The following SAMD12 variants were observed in gnomAD, a reference collection of about 807,000 sequenced individuals.
SAMD12 encodes sterile alpha motif domain containing 12.
In SAMD12, 9 loss-of-function variants were observed where a neutral mutation model predicts 15.0. The ratio of observed to expected loss-of-function variants is 0.60; its 90% CI spans 0.36 to 1.05. SAMD12 has a LOEUF of 1.05. Ranked by LOEUF, SAMD12 falls within the 50% of genes least tolerant of loss-of-function variation. The pLI is 0.01. For missense variants in SAMD12, 230 were observed against 234.2 expected (o/e 0.98, Z 0.12); for synonymous variants, 86 against 90.1 (o/e 0.96, Z 0.25).
chr8:118,268,594 C>T (rs1005912378), intron 4 of SAMD12, among the ~76,000 whole-genome samples: 1 of 152,110 alleles, frequency 6.6e-6, no homozygotes, highest in African/African-American at 2.4e-5. Flanking sequence ...GCAGGCAGAA[C>T]ACCTGAGGTT....
chr8:118,182,466 C>T, the SAMD12 span, among the ~76,000 whole-genome samples: 1 of 152,116 alleles, frequency 6.6e-6, no homozygotes, highest in African/African-American at 2.4e-5. Flanking sequence ...AGTGTATAGG[C>T]TATGCCTACA....
intron 4 of SAMD12, among the ~76,000 whole-genome samples, chr8:118,318,134 A>G (rs35027398): frequency 0.49 from 73,882 of 151,194 alleles, 20,515 homozygotes; most frequent in African/African-American, 0.77. Context: ...CCGGAAAACA[A>G]TATGAAGATA....
downstream of SAMD12, among the ~76,000 whole-genome samples, chr8:118,188,850 C>T (rs148282175): frequency 1.2e-3 from 187 of 151,968 alleles, 1 homozygote; most frequent in East Asian, 0.03. Flanking sequence ...GGATGTTTGC[C>T]GCACTAGAGG....
At chr8:118,396,522 T>C (rs1004551498) in intron 3 of SAMD12, among the ~76,000 whole-genome samples, 1 of 152,186 alleles carries the variant, frequency 6.6e-6, no homozygotes, top group East Asian at 1.9e-4. Context: ...CACTCAGCAA[T>C]TGGTAGATAT....
At chr8:118,144,688 G>A in the SAMD12 span, among the ~76,000 whole-genome samples, 1 of 151,996 alleles carries the variant, frequency 6.6e-6, no homozygotes, top group South Asian at 2.1e-4. Flanking sequence ...TGGGAAAAGG[G>A]AGAGAGAGAG....
Position 118,560,290 on chromosome 8 carries a change from G to A in SAMD12, c.192+20425C>T, listed in dbSNP as rs1253377435. 2.0e-5 allele frequency among the ~76,000 whole-genome samples: 3 copies of A among 152,198 alleles called. No individual in the cohort carries two copies. In the East Asian group the frequency reaches 5.8e-4, roughly 29 times the overall value. ...GGGGACCCAGGTAAGGAGAAGTTGA[G>A]GTGGACTCACATTTAGTTTGAGTTT... On this transcript the variant is annotated intron_variant, in intron 2 of 3. Coordinates refer to ENST00000314727, the MANE Select transcript of SAMD12 (RefSeq NM_207506.3).
At chr8:118,443,191 C>T (rs1353635157) in intron 2 of SAMD12, among the ~76,000 whole-genome samples, 2 of 152,120 alleles carry the variant, frequency 1.3e-5, no homozygotes, top group East Asian at 1.9e-4. Flanking sequence ...AGGCTGGGCA[C>T]AGTAGCTCAT....
intron 4 of SAMD12, among the ~76,000 whole-genome samples, chr8:118,296,085 G>A (rs1221032410): frequency 2.0e-5 from 3 of 152,170 alleles, no homozygotes; most frequent in Non-Finnish European, 2.9e-5. Flanking sequence ...AGCATTTCCT[G>A]TGGATATGCA....
At chr8:118,559,267 G>A (rs1000726523) in intron 2 of SAMD12, among the ~76,000 whole-genome samples, 1 of 152,096 alleles carries the variant, frequency 6.6e-6, no homozygotes, top group Non-Finnish European at 1.5e-5. Context: ...TTGCTTTCCT[G>A]TACTCAAGGG....
chr8:118,496,277 A>C (rs923329009), intron 2 of SAMD12, among the ~76,000 whole-genome samples: 2 of 152,218 alleles, frequency 1.3e-5, no homozygotes, highest in Admixed American at 1.3e-4. Flanking sequence ...ATCCTGAGCA[A>C]AAAGAACAAA....
chr8:118,370,154 C>T (rs939626933), intron 4 of SAMD12, among the ~76,000 whole-genome samples: 1 of 152,028 alleles, frequency 6.6e-6, no homozygotes, highest in Non-Finnish European at 1.5e-5. Context: ...CAAAAGAAGA[C>T]ATTTATGTGG....
At position 118,379,372 on chromosome 8, in the gene SAMD12, T is replaced by C. The variant is rs760861591; in HGVS notation, c.*45A>G. ...TCATCCATTACTTATTTGTGCATCC[T>C]TCTCCCTAGTGAGCTATGAAAAAAG... On this transcript the variant is annotated 3_prime_UTR_variant, in exon 4 of 4. Coordinates refer to ENST00000314727, the MANE Select transcript of SAMD12 (RefSeq NM_207506.3). The C allele has an allele frequency of 2.5e-6, 4 of 1,589,282 alleles. No individual in the cohort carries two copies. In the South Asian group the frequency reaches 3.4e-5, roughly 14 times the overall value.
At chr8:118,292,197 A>C (rs114720518) in intron 4 of SAMD12, among the ~76,000 whole-genome samples, 1 of 151,300 alleles carries the variant, frequency 6.6e-6, no homozygotes, top group Non-Finnish European at 1.5e-5. Flanking sequence ...GTGCTGTGTA[A>C]ACTGCTTGGG....
intron 4 of SAMD12, among the ~76,000 whole-genome samples, chr8:118,366,807 T>G (rs1818791204): frequency 1.0e-5 from 1 of 98,560 alleles, no homozygotes; most frequent in South Asian, 4.1e-4. Context: ...AGTGAAACTC[T>G]GTCTCAAATA....
chr8:118,199,605 A>C (rs1429765240), intron 4 of SAMD12, among the ~76,000 whole-genome samples: 1 of 152,232 alleles, frequency 6.6e-6, no homozygotes, highest in Non-Finnish European at 1.5e-5. Flanking sequence ...TGAGTTGATA[A>C]CTAGGTTTAT....
intron 3 of SAMD12, among the ~76,000 whole-genome samples, chr8:118,386,125 T>C (rs966739085): frequency 1.3e-5 from 2 of 152,184 alleles, no homozygotes; most frequent in African/African-American, 4.8e-5. Flanking sequence ...CATAACAAAC[T>C]ATCACAAACA....
the SAMD12 span, among the ~76,000 whole-genome samples, chr8:118,176,299 TAAAAAAAG>T: frequency 6.6e-6 from 1 of 151,886 alleles, no homozygotes; most frequent in East Asian, 1.9e-4. Flanking sequence ...AAACTCTGTC[TAAAAAAAG>T]AAAAAAAGAA....
intron 4 of SAMD12, among the ~76,000 whole-genome samples, chr8:118,309,807 T>C (rs944881790): frequency 6.6e-6 from 1 of 152,210 alleles, no homozygotes; most frequent in African/African-American, 2.4e-5. Flanking sequence ...ATTAGTCCCA[T>C]ATTTTCTGTC....
chr8:118,617,612 T>G (rs1307246262), intron 1 of SAMD12, among the ~76,000 whole-genome samples: 1 of 152,174 alleles, frequency 6.6e-6, no homozygotes, highest in Non-Finnish European at 1.5e-5. Flanking sequence ...AGACCTGGAA[T>G]AGAAATTACC....
Sources: gnomAD v4.1 joint callset for allele counts (sites outside exome capture counted in the v4.1 genomes callset) on GRCh38, gnomAD v4.1.1 for gene constraint, MANE v1.5 for transcripts, NCBI Gene and HGNC (gene_info 2026-07-23, HGNC 2026-07-21) for gene names.